Variants in ARMH3 observed in about 807,000 individuals in gnomAD.
ARMH3 encodes armadillo-like helical domain-containing protein 3.
A neutral mutation model predicts 99.1 loss-of-function variants in ARMH3; 60 were observed. The ratio of observed to expected loss-of-function variants is 0.61; its 90% CI spans 0.49 to 0.75. The LOEUF (loss-of-function observed/expected upper bound fraction) is 0.75, where lower values mean the gene tolerates loss of function less well. Among genes scored for constraint, ARMH3 ranks in the 30% least tolerant of loss-of-function variants. The probability of loss-of-function intolerance (pLI) is 0.00; values close to 1 mark genes in which losing one functional copy is unlikely to be tolerated. For missense variants in ARMH3, 679 were observed against 843.1 expected, an observed-to-expected ratio of 0.81 and a Z score of 2.41; for synonymous variants, 285 against 292.8, an observed-to-expected ratio of 0.97 and a Z score of 0.27.
chr10:102,044,633 G>A (rs943255226), intron 1 of ARMH3, among the ~76,000 whole-genome samples: 1 of 152,154 alleles, frequency 6.6e-6, no homozygotes, highest in African/African-American at 2.4e-5. Context: ...CAAAGTGCTA[G>A]AATTGCAGGC....
chr10:101,967,466 C>T (rs768978664), intron 20 of ARMH3, among the ~76,000 whole-genome samples: 2 of 152,132 alleles, frequency 1.3e-5, no homozygotes, highest in South Asian at 2.1e-4. Context: ...CAGCCAGATG[C>T]GGTGGCTCAA....
chr10:101,978,011 C>A (rs918488808), intron 19 of ARMH3, among the ~76,000 whole-genome samples: 1 of 152,088 alleles, frequency 6.6e-6, no homozygotes, highest in Non-Finnish European at 1.5e-5. Context: ...AAAGATAGGC[C>A]AAGGAAACAG....
chr10:101,850,090 C>CTT (rs754571008), intron 24 of ARMH3, among the ~76,000 whole-genome samples, 198 bp from the exon 25 acceptor site: 1,317 of 91,306 alleles, frequency 0.014, no homozygotes, highest in African/African-American at 0.016. Context: ...CTCTCTCTCT[C>CTT]TTTTTTTTTT....
intron 24 of ARMH3, among the ~76,000 whole-genome samples, chr10:101,887,792 ATGAAATCCCTCTCCAT>A (rs1367967103): frequency 1.3e-5 from 2 of 151,712 alleles, no homozygotes; most frequent in Non-Finnish European, 2.9e-5. Flanking sequence ...CCATTCTCCT[ATGAAATCCCTCTCCAT>A]TGAAATCGCT....
At chr10:101,944,292 A>AGC (rs1343858334) in intron 22 of ARMH3, among the ~76,000 whole-genome samples, 157 of 83,928 alleles carry the variant, frequency 1.9e-3, no homozygotes, top group Middle Eastern at 6.1e-3. Flanking sequence ...AGAGAGAGAG[A>AGC]GAGAGAGAGA....
intron 21 of ARMH3, among the ~76,000 whole-genome samples, chr10:101,957,148 C>T (rs1425716771): frequency 2.0e-5 from 3 of 152,132 alleles, no homozygotes; most frequent in Non-Finnish European, 2.9e-5. Flanking sequence ...GCAAATGCTA[C>T]GAATCAAGAC....
intron 24 of ARMH3, among the ~76,000 whole-genome samples, chr10:101,866,624 A>T (rs994457850): frequency 6.6e-6 from 1 of 152,190 alleles, no homozygotes; most frequent in Non-Finnish European, 1.5e-5. Flanking sequence ...ATGTGGATGG[A>T]GGATTGCTGT....
In ARMH3 at chr10:102,029,388, C is replaced by T. The variant is rs146546961; in HGVS notation, c.414+250G>A. ...CTTAAGAATGTATGATCATATGATA[C>T]GAGTAATAAAATAAACTATTCTGTC... On this transcript the variant is annotated intron_variant, in intron 5 of 25. Coordinates refer to ENST00000370033, the MANE Select transcript of ARMH3 (RefSeq NM_024541.3). 2.1e-5 allele frequency: 29 copies of T among 1,364,236 alleles called. No individual in the cohort carries two copies. The South Asian group carries it at 2.8e-4, about 13-fold the overall frequency. 84.5% of individuals were successfully genotyped at this position (1,364,236 alleles called of 1,614,324 possible).
chr10:101,973,332 G>C (rs1845851533), intron 20 of ARMH3, among the ~76,000 whole-genome samples: 1 of 147,546 alleles, frequency 6.8e-6, no homozygotes, highest in African/African-American at 2.5e-5. Flanking sequence ...ACTGCTCCAG[G>C]CTGGGCGACA....
chr10:101,871,968 C>G (rs968909142), intron 24 of ARMH3, among the ~76,000 whole-genome samples: 2 of 151,648 alleles, frequency 1.3e-5, no homozygotes, highest in African/African-American at 4.9e-5. Context: ...CCACTGCACT[C>G]CAGCTTGGGC....
intron 24 of ARMH3, among the ~76,000 whole-genome samples, chr10:101,884,914 C>T (rs1232134992): frequency 6.6e-6 from 1 of 152,092 alleles, no homozygotes; most frequent in African/African-American, 2.4e-5. Flanking sequence ...GATCAGATAT[C>T]TAATGAGGAA....
chr10:101,898,015 T>C (rs1200639514), intron 23 of ARMH3, among the ~76,000 whole-genome samples: 5 of 152,146 alleles, frequency 3.3e-5, no homozygotes, highest in Non-Finnish European at 5.9e-5. Context: ...CTGAGACACA[T>C]AGTTAATGTC....
chr10:101,932,729 A>G (rs1328523557), intron 23 of ARMH3, among the ~76,000 whole-genome samples: 1 of 152,222 alleles, frequency 6.6e-6, no homozygotes, highest in Non-Finnish European at 1.5e-5. Context: ...GAAACAGAAA[A>G]CAGAATGATA....
chr10:101,925,921 T>A (rs1041427162), intron 23 of ARMH3, among the ~76,000 whole-genome samples: 9 of 152,048 alleles, frequency 5.9e-5, no homozygotes, highest in Non-Finnish European at 1.3e-4. Flanking sequence ...AAAAAAAATA[T>A]AAATAAATAA....
chr10:102,004,059 T>C (rs1053982648), intron 14 of ARMH3, among the ~76,000 whole-genome samples: 22 of 152,250 alleles, frequency 1.4e-4, no homozygotes, highest in African/African-American at 4.6e-4. Flanking sequence ...TGGAAAACTA[T>C]CTTATATAAT....
chr10:102,032,886 G>T (rs2067164901), intron 4 of ARMH3, 140 bp downstream of exon 4: 11 of 875,950 alleles, frequency 1.3e-5, no homozygotes, highest in South Asian at 2.0e-5. Flanking sequence ...AACAAACGTG[G>T]CATAAATATT....
intron 20 of ARMH3, among the ~76,000 whole-genome samples, chr10:101,967,513 TG>T (rs1004873335): frequency 3.9e-5 from 6 of 152,006 alleles, no homozygotes; most frequent in Admixed American, 1.3e-4. Context: ...CCAAGGTAGG[TG>T]GATCACAAGG....
At chr10:101,934,276 GT>G (rs1843853205) in intron 23 of ARMH3, among the ~76,000 whole-genome samples, 1 of 152,160 alleles carries the variant, frequency 6.6e-6, no homozygotes, top group Non-Finnish European at 1.5e-5. Flanking sequence ...GGGGAAGAGT[GT>G]TTTTTAGGGT....
intron 22 of ARMH3, among the ~76,000 whole-genome samples, chr10:101,949,873 A>G (rs1404655238): frequency 6.6e-6 from 1 of 152,228 alleles, no homozygotes; most frequent in Non-Finnish European, 1.5e-5. Flanking sequence ...CCATTTAAAA[A>G]TCAATCACTA....
Sources: gnomAD v4.1 joint callset for allele counts (sites outside exome capture counted in the v4.1 genomes callset) on GRCh38, gnomAD v4.1.1 for gene constraint, MANE v1.5 for transcripts, NCBI Gene and HGNC (gene_info 2026-07-23, HGNC 2026-07-21) for gene names.